The following GNA12 variants were observed in gnomAD, a reference collection of about 807,000 sequenced individuals.
GNA12 encodes guanine nucleotide-binding protein subunit alpha-12.
In GNA12, 9 loss-of-function variants were observed where a neutral mutation model predicts 26.0. The ratio of observed to expected loss-of-function variants is 0.35; its 90% CI spans 0.21 to 0.60. The LOEUF is 0.60. Among genes scored for constraint, GNA12 ranks in the 20% least tolerant of loss-of-function variants. The probability of loss-of-function intolerance (pLI) is 0.78; values close to 1 mark genes in which losing one functional copy is unlikely to be tolerated. For missense variants in GNA12, 405 were observed against 525.8 expected (o/e 0.77, Z 2.25); for synonymous variants, 264 against 219.6 (o/e 1.20, Z -1.79).
intron 2 of GNA12, among the ~76,000 whole-genome samples, chr7:2,767,299 A>T (rs750590474): frequency 6.6e-6 from 1 of 152,204 alleles, no homozygotes; most frequent in African/African-American, 2.4e-5. Flanking sequence ...ATCATACCCA[A>T]GAAATCACTG....
At chr7:2,795,437 C>A (rs1463003866) in intron 1 of GNA12, among the ~76,000 whole-genome samples, 1 of 152,034 alleles carries the variant, frequency 6.6e-6, no homozygotes, top group Non-Finnish European at 1.5e-5. Flanking sequence ...CTGAGACCGG[C>A]CTGGGCAACA....
At chr7:2,771,826 G>A (rs746410160) in intron 2 of GNA12, among the ~76,000 whole-genome samples, 1 of 152,188 alleles carries the variant, frequency 6.6e-6, no homozygotes, top group Admixed American at 6.5e-5. Flanking sequence ...TGTGATAATT[G>A]TATGTTTAAC....
intron 2 of GNA12, chr7:2,763,295 C>G (rs1028049819): frequency 2.0e-5 from 4 of 198,582 alleles, no homozygotes; most frequent in Non-Finnish European, 2.8e-5. Flanking sequence ...TGCTGTGAGG[C>G]TGAGACACAG....
At chr7:2,786,411 G>A (rs1316454705) in intron 2 of GNA12, among the ~76,000 whole-genome samples, 1 of 152,172 alleles carries the variant, frequency 6.6e-6, no homozygotes, top group Non-Finnish European at 1.5e-5. Flanking sequence ...GAAAAATAAA[G>A]CAGCAAAGAA....
chr7:2,825,268 C>T (rs1182134717), intron 1 of GNA12, among the ~76,000 whole-genome samples: 3 of 152,092 alleles, frequency 2.0e-5, no homozygotes, highest in Non-Finnish European at 4.4e-5. Context: ...CTCTCCCCTC[C>T]CTCCCTCCGA....
chr7:2,832,144 T>A (rs1378196726), intron 1 of GNA12, among the ~76,000 whole-genome samples: 1 of 152,198 alleles, frequency 6.6e-6, no homozygotes, highest in African/African-American at 2.4e-5. Context: ...GTGGATGTGT[T>A]CATCCATCTT....
chr7:2,822,875 C>A (rs943123465), intron 1 of GNA12, among the ~76,000 whole-genome samples: 1 of 152,144 alleles, frequency 6.6e-6, no homozygotes, highest in East Asian at 1.9e-4. Context: ...AAACACTCAA[C>A]CCCCTCAGTC....
chr7:2,791,291 G>C (rs919114201), intron 2 of GNA12, among the ~76,000 whole-genome samples: 3 of 152,210 alleles, frequency 2.0e-5, no homozygotes, highest in Non-Finnish European at 4.4e-5. Context: ...CAGAAGTGAT[G>C]CTCATGGGGT....
chr7:2,796,718 A>G lies in GNA12; in HGVS notation c.310-1575T>C, dbSNP rs1030662554. On this transcript the variant is annotated intron_variant, in intron 1 of 3. Transcript: ENST00000275364. ...TTCTTTTGCTTGTTTCCTCATTGTT[A>G]AAGATAAAGTTAATGTTGTTCTGCC... Among the ~76,000 whole-genome samples the G allele has an allele frequency of 2.0e-5, 3 of 152,150 alleles. No homozygotes were observed. In the East Asian group the frequency reaches 5.8e-4, roughly 29 times the overall value.
chr7:2,744,551 A>G (rs1790673516), intron 2 of GNA12, among the ~76,000 whole-genome samples: 1 of 152,200 alleles, frequency 6.6e-6, no homozygotes, highest in Non-Finnish European at 1.5e-5. Flanking sequence ...AAGGTAGAAA[A>G]GACCACAAAG....
chr7:2,767,515 C>A (rs1275274354), intron 2 of GNA12, among the ~76,000 whole-genome samples: 2 of 152,184 alleles, frequency 1.3e-5, no homozygotes, highest in African/African-American at 4.8e-5. Context: ...CACCTGGGGG[C>A]ATTTCCAGTG....
Position 2,763,507 on chromosome 7 carries a change from A to G in GNA12, c.526-30006T>C, listed in dbSNP as rs545000501. On this transcript the variant is annotated intron_variant, in intron 2 of 3. Coordinates refer to ENST00000275364, the MANE Select transcript of GNA12 (RefSeq NM_007353.3). ...CGGCAGCAGTGCTGCTCTATGGCTG[A>G]GGATGAAGCTCCAGTCCATGTCCCA... 3.9e-5 allele frequency among the ~76,000 whole-genome samples: 6 copies of G among 152,352 alleles called. No individual in the cohort carries two copies. In the South Asian group the frequency reaches 1.2e-3, roughly 32 times the overall value.
chr7:2,814,566 C>T (rs780720876), intron 1 of GNA12, among the ~76,000 whole-genome samples: 5 of 151,624 alleles, frequency 3.3e-5, no homozygotes, highest in African/African-American at 7.3e-5. Flanking sequence ...CTTCTCAGTG[C>T]GGCCTTACTG....
At chr7:2,805,789 G>A (rs1583296553) in intron 1 of GNA12, among the ~76,000 whole-genome samples, 1 of 152,204 alleles carries the variant, frequency 6.6e-6, no homozygotes, top group Non-Finnish European at 1.5e-5. Flanking sequence ...GACACTACTT[G>A]AGTCTAATAT....
At chr7:2,812,314 G>T (rs922795383) in intron 1 of GNA12, among the ~76,000 whole-genome samples, 1 of 152,216 alleles carries the variant, frequency 6.6e-6, no homozygotes, top group African/African-American at 2.4e-5. Flanking sequence ...GAGTCCTTAG[G>T]CCTTGGTGCT....
chr7:2,789,132 C>CTATT (rs1202789852), intron 2 of GNA12, among the ~76,000 whole-genome samples: 5 of 72,822 alleles, frequency 6.9e-5, no homozygotes, highest in Non-Finnish European at 1.1e-4. Flanking sequence ...CTTCAGGCAT[C>CTATT]TTTTTTTTTT....
At chr7:2,826,868 G>C (rs1198827253) in intron 1 of GNA12, among the ~76,000 whole-genome samples, 1 of 152,176 alleles carries the variant, frequency 6.6e-6, no homozygotes, top group Non-Finnish European at 1.5e-5. Flanking sequence ...TAACGGTGGA[G>C]ACATTTGTCA....
At chr7:2,824,810 G>C (rs1007501953) in intron 1 of GNA12, among the ~76,000 whole-genome samples, 4 of 152,344 alleles carry the variant, frequency 2.6e-5, no homozygotes, top group African/African-American at 9.6e-5. Flanking sequence ...TCAAAGCGTA[G>C]CTGAGGGCCG....
intron 2 of GNA12, among the ~76,000 whole-genome samples, chr7:2,744,521 G>A (rs972389484): frequency 3.9e-5 from 6 of 152,098 alleles, no homozygotes; most frequent in East Asian, 1.9e-4. Flanking sequence ...CCATCTGTAC[G>A]TCACCATCAT....
Sources: allele counts gnomAD v4.1 joint callset (sites outside exome capture counted in the v4.1 genomes callset), GRCh38; gene constraint gnomAD v4.1.1; transcripts MANE v1.5; gene names NCBI Gene and HGNC (gene_info 2026-07-23, HGNC 2026-07-21).